MERTK: variants seen among roughly 807,000 people sequenced by gnomAD.
MERTK encodes tyrosine-protein kinase Mer.
Under a neutral mutation model 99.3 loss-of-function variants are expected in MERTK, and 69 were observed. The ratio of observed to expected loss-of-function variants is 0.70; its 90% CI spans 0.57 to 0.85. The LOEUF (loss-of-function observed/expected upper bound fraction) is 0.85. MERTK is among the 40% of genes least tolerant of loss of function. The pLI is 0.00. For synonymous variants in MERTK, 426 were observed against 467.6 expected (o/e 0.91, Z 1.15); for missense variants, 1,125 against 1,249.4 (o/e 0.90, Z 1.50).
intron 2 of MERTK, chr2:111,930,304 A>G (rs1684647073): frequency 6.6e-6 from 1 of 152,654 alleles, no homozygotes; most frequent in Admixed American, 6.6e-5. Flanking sequence ...GATTCCCCCC[A>G]CTACCACCAA....
intron 15 of MERTK, among the ~76,000 whole-genome samples, chr2:112,018,051 G>C (rs928836262): frequency 3.9e-5 from 6 of 152,128 alleles, no homozygotes; most frequent in African/African-American, 1.4e-4. Flanking sequence ...TGTAGCCCAA[G>C]CTATTAAAAC....
chr2:111,932,852 G>A (rs558790237), intron 2 of MERTK, among the ~76,000 whole-genome samples: 215 of 152,238 alleles, frequency 1.4e-3, no homozygotes, highest in Non-Finnish European at 2.5e-3. Context: ...TCAGATGGGA[G>A]GTTATCTTGG....
chr2:111,975,148 A>ATG (rs1676219425), intron 6 of MERTK, 141 bp from the exon 7 acceptor site: 1 of 813,734 alleles, frequency 1.2e-6, no homozygotes, highest in Non-Finnish European at 2.2e-6. Context: ...TAGCGGTAAA[A>ATG]TGTGTGTGTG....
chr2:112,029,397 AGACAG>A lies in MERTK; in HGVS notation c.*534_*538del. 2.2e-6 allele frequency: 2 copies of A among 919,272 alleles called. No homozygotes were observed. The highest frequency in any genetic ancestry group is 5.0e-5 in the South Asian group (1 of 19,922). 56.9% of individuals were successfully genotyped at this position (919,272 alleles called of 1,614,324 possible). A position where few individuals can be genotyped will look rare whatever the true frequency, so the allele number is the denominator to read the frequency against. ...ATGTTGAACTTACTTGAGACTTGAA[AGACAG>A]TGGTCGGCAGCGGCCTTGTGGCCTT... On this transcript the variant is annotated 3_prime_UTR_variant, in exon 19 of 19. Coordinates refer to ENST00000295408, the MANE Select transcript of MERTK (RefSeq NM_006343.3).
rs529766238 is a variant in MERTK at position 112,010,075 on chromosome 2, CT to C, written c.2079+10del. 4.3e-4 allele frequency: 680 copies of C among 1,570,886 alleles called. 7 individuals are homozygous for C. The South Asian group carries it at 5.6e-3, about 13-fold the overall frequency. ...TGGAGACAGGACCAAAGGTAATGAT[CT>C]CCTTGTGTTACCCCTGAACACTTCT... is the stretch of plus-strand genomic sequence containing the variant. On this transcript the variant is annotated intron_variant, in intron 15 of 18. Transcript: ENST00000295408.
rs760889132 is a variant in MERTK at position 112,022,313 on chromosome 2, C to T, written c.2405C>T (p.Pro802Leu). 5 of 1,614,070 alleles carry T rather than the reference C, an allele frequency of 3.1e-6. No individual in the cohort carries two copies. In the African/African-American group the frequency reaches 5.3e-5, roughly 17 times the overall value. Residue 802 changes from proline (P) to leucine (L), a missense_variant, in exon 18 of 19, where the codon CCT becomes CTT. Physicochemically the swap from Pro to Leu is moderately conservative, Grantham distance 98. Coordinates refer to ENST00000295408, the MANE Select transcript of MERTK (RefSeq NM_006343.3). ...GCTACGCGGGGAATGACTCCCTATC[C>T]TGGGGTCCAGAACCATGAGATGTAT... ...EIATRGMTPY[P>L]GVQNHEMYDY...
intron 1 of MERTK, among the ~76,000 whole-genome samples, chr2:111,906,304 A>G (rs757729449): frequency 2.0e-5 from 3 of 152,230 alleles, no homozygotes; most frequent in Non-Finnish European, 4.4e-5. Flanking sequence ...AACTTGCCTT[A>G]GCTGTGGTCT....
chr2:112,029,414 G>A lies in MERTK; in HGVS notation c.*550G>A, dbSNP rs115967608. ...GACTTGAAAGACAGTGGTCGGCAGC[G>A]GCCTTGTGGCCTTTGCAAAGGAATT... On this transcript the variant is annotated 3_prime_UTR_variant, in exon 19 of 19. Coordinates refer to ENST00000295408, the MANE Select transcript of MERTK (RefSeq NM_006343.3). 1.0e-3 allele frequency: 854 copies of A among 849,372 alleles called. 6 individuals are homozygous for A. The highest frequency in any genetic ancestry group is 8.7e-3 in the African/African-American group (471 of 54,256). 52.6% of individuals were successfully genotyped at this position (849,372 alleles called of 1,614,324 possible).
intron 4 of MERTK, among the ~76,000 whole-genome samples, chr2:111,948,585 T>G (rs116207611): frequency 6.6e-6 from 1 of 152,334 alleles, no homozygotes; most frequent in Non-Finnish European, 1.5e-5. Flanking sequence ...GAATTCTCCA[T>G]CTTAGTGAAT....
chr2:111,932,866 T>C (rs1328564599), intron 2 of MERTK, among the ~76,000 whole-genome samples: 1 of 152,158 alleles, frequency 6.6e-6, no homozygotes, highest in Non-Finnish European at 1.5e-5. Context: ...ATCTTGGGGC[T>C]GACATCTCTC....
At chr2:111,998,101 C>T (rs920677993) in intron 10 of MERTK, among the ~76,000 whole-genome samples, 10 of 152,154 alleles carry the variant, frequency 6.6e-5, no homozygotes, top group African/African-American at 2.2e-4. Flanking sequence ...ACATCCCACT[C>T]GCTCCAAGAC....
chr2:111,939,789 C>T (rs966582787), intron 2 of MERTK, among the ~76,000 whole-genome samples: 8 of 149,852 alleles, frequency 5.3e-5, no homozygotes, highest in African/African-American at 2.0e-4. Flanking sequence ...CAGGCATGAG[C>T]CACTGCACCC....
chr2:111,925,813 G>A (rs34974369), intron 1 of MERTK, among the ~76,000 whole-genome samples: 31,683 of 149,470 alleles, frequency 0.21, 3,984 homozygotes, highest in Middle Eastern at 0.36. Flanking sequence ...TTACAAAACA[G>A]ACTTTATTAT....
At position 111,929,246 on chromosome 2, in the gene MERTK, T is replaced by C. The variant is rs140848545; in HGVS notation, c.188T>C (p.Leu63Ser). The change falls in exon 2 of 19, where the codon TTG (leucine) becomes TCG (serine). Residue 63 changes from leucine (L) to serine (S), a missense_variant. Transcript: ENST00000295408. ...LPHASGYQPA[L>S]MFSPTQPGRP... ...CACGCCAGTGGGTACCAGCCTGCCT[T>C]GATGTTTTCACCAACCCAGCCTGGA... 3.2e-5 allele frequency: 52 copies of C among 1,614,074 alleles called. No individual in the cohort carries two copies. The highest frequency in any genetic ancestry group is 5.5e-5 in the South Asian group (5 of 91,086).
At chr2:111,900,582 T>G (rs1474705692) in intron 1 of MERTK, among the ~76,000 whole-genome samples, 1 of 152,236 alleles carries the variant, frequency 6.6e-6, no homozygotes, top group African/African-American at 2.4e-5. Flanking sequence ...TTTCTAAAAT[T>G]TTAAAAGGCT....
At chr2:111,974,277 C>CCTGTGAAT in intron 6 of MERTK, among the ~76,000 whole-genome samples, 1 of 150,442 alleles carries the variant, frequency 6.6e-6, no homozygotes, top group African/African-American at 2.4e-5. Context: ...GTGGCAGGCA[C>CCTGTGAAT]CTGTGATCCC....
intron 8 of MERTK, among the ~76,000 whole-genome samples, chr2:111,992,458 A>G (rs1339157612): frequency 1.3e-5 from 2 of 152,082 alleles, no homozygotes; most frequent in Non-Finnish European, 2.9e-5. Flanking sequence ...AATATCCTTA[A>G]TAATAAACCA....
intron 2 of MERTK, 66 bp downstream of exon 2, chr2:111,929,606 A>ATTTATT: frequency 4.0e-6 from 5 of 1,257,930 alleles, no homozygotes; most frequent in South Asian, 1.8e-5. Context: ...TTACTTATTG[A>ATTTATT]GACAGAGTAT....
chr2:111,958,896 T>C (rs746128336), intron 4 of MERTK, among the ~76,000 whole-genome samples: 79 of 152,206 alleles, frequency 5.2e-4, no homozygotes, highest in Non-Finnish European at 5.1e-4. Flanking sequence ...CTTCCCCTTA[T>C]GACAAGTTTG....
Sources: allele counts gnomAD v4.1 joint callset (sites outside exome capture counted in the v4.1 genomes callset), GRCh38; gene constraint gnomAD v4.1.1; transcripts MANE v1.5; gene names NCBI Gene and HGNC (gene_info 2026-07-23, HGNC 2026-07-21).